Variants in FBXL2 observed in about 807,000 individuals in gnomAD.
FBXL2 encodes F-box/LRR-repeat protein 2.
A neutral mutation model predicts 69.2 loss-of-function variants in FBXL2; 38 were observed. The observed-to-expected ratio is 0.55, with a 90% CI of 0.42 to 0.72. The LOEUF (loss-of-function observed/expected upper bound fraction) is 0.72. Among genes scored for constraint, FBXL2 ranks in the 30% least tolerant of loss-of-function variants. The pLI, the probability that FBXL2 is intolerant of heterozygous loss-of-function variation, is 0.00. For missense variants in FBXL2, 354 were observed against 520.3 expected (o/e 0.68, Z 3.11); for synonymous variants, 192 against 201.3 (o/e 0.95, Z 0.39).
intron 2 of FBXL2, among the ~76,000 whole-genome samples, chr3:33,323,313 CT>C (rs1213898539): frequency 6.6e-6 from 1 of 152,034 alleles, no homozygotes; most frequent in Admixed American, 6.6e-5. Flanking sequence ...CCAAATCTTC[CT>C]TTTTTTATTA....
intron 12 of FBXL2, chr3:33,393,429 T>C: frequency 6.2e-7 from 1 of 1,609,774 alleles, no homozygotes; most frequent in African/African-American, 1.3e-5. Flanking sequence ...AGGCAATCAT[T>C]TCTTCCAAGT....
chr3:33,363,122 C>G (rs1342410162), intron 4 of FBXL2, among the ~76,000 whole-genome samples: 2 of 152,272 alleles, frequency 1.3e-5, no homozygotes, highest in South Asian at 2.1e-4. Context: ...CTCACTACAA[C>G]CTCTGCCTCC....
At chr3:33,335,113 T>TAAG (rs201956322) in intron 2 of FBXL2, among the ~76,000 whole-genome samples, 3,023 of 150,684 alleles carry the variant, frequency 0.02, 101 homozygotes, top group African/African-American at 0.069. Context: ...ATAATAATAA[T>TAAG]AATAATAAGA....
intron 5 of FBXL2, among the ~76,000 whole-genome samples, chr3:33,368,838 G>T (rs1038204821): frequency 6.6e-6 from 1 of 151,816 alleles, no homozygotes; most frequent in Non-Finnish European, 1.5e-5. Flanking sequence ...CGCCTTCCTT[G>T]GCCTCCCAAA....
At chr3:33,350,188 T>C (rs1176458026) in intron 2 of FBXL2, among the ~76,000 whole-genome samples, 2 of 152,186 alleles carry the variant, frequency 1.3e-5, no homozygotes, top group African/African-American at 2.4e-5. Context: ...AAAATAATTA[T>C]ATCCCACAAT....
chr3:33,278,144 G>T (rs1483015065), intron 1 of FBXL2: 1 of 152,006 alleles, frequency 6.6e-6, no homozygotes, highest in East Asian at 1.9e-4. Flanking sequence ...TTAGTGCATT[G>T]TAAACGTCTT....
intron 10 of FBXL2, among the ~76,000 whole-genome samples, chr3:33,376,963 G>A (rs2154050189): frequency 6.6e-6 from 1 of 152,310 alleles, no homozygotes; most frequent in South Asian, 2.1e-4. Flanking sequence ...ATGCTCCACT[G>A]CACTCCAGCC....
chr3:33,422,002 C>A, the FBXL2 span, among the ~76,000 whole-genome samples: 1 of 151,738 alleles, frequency 6.6e-6, no homozygotes, highest in Non-Finnish European at 1.5e-5. Context: ...AAGACTGCAT[C>A]GTTGCACTCC....
intron 12 of FBXL2, 84 bp downstream of exon 12, chr3:33,378,231 C>T (rs984312912): frequency 2.7e-5 from 36 of 1,334,046 alleles, no homozygotes; most frequent in Non-Finnish European, 3.4e-5. Context: ...GACACTGACT[C>T]GCTATCATCC....
chr3:33,298,337 G>A (rs558847793), intron 2 of FBXL2, among the ~76,000 whole-genome samples: 1 of 152,170 alleles, frequency 6.6e-6, no homozygotes, highest in South Asian at 2.1e-4. Flanking sequence ...TGGCCTGGAG[G>A]CACTTCAGTT....
At chr3:33,378,035 AG>A (rs755080700) in intron 11 of FBXL2, 67 bp from the exon 12 acceptor site, 2 of 1,468,628 alleles carry the variant, frequency 1.4e-6, no homozygotes, top group Non-Finnish European at 1.9e-6. Context: ...TCAGAGGGAT[AG>A]GGCAAGCCAC....
rs151153981 is a variant in FBXL2 at position 33,346,297 on chromosome 3, G to A, written c.66-12670G>A. On this transcript the variant is annotated intron_variant, in intron 2 of 14. Coordinates refer to ENST00000484457, the MANE Select transcript of FBXL2 (RefSeq NM_012157.5). Reference sequence around the variant, plus strand: ...ATTTTAGGAAATTAGAGGAAACAGGGCAATAGAAGTCTAAAGCAAGCTAAA... The same window carrying A: ...ATTTTAGGAAATTAGAGGAAACAGGACAATAGAAGTCTAAAGCAAGCTAAA... Among the ~76,000 whole-genome samples, 159 of 152,140 alleles carry A rather than the reference G, an allele frequency of 1.0e-3. 1 individual carries two copies. Among genetic ancestry groups the A allele is most frequent in the Admixed American group, 1.2e-3 (19 of 15,264 alleles).
chr3:33,418,531 T>C, the FBXL2 span, among the ~76,000 whole-genome samples: 1 of 151,908 alleles, frequency 6.6e-6, no homozygotes, highest in African/African-American at 2.4e-5. Flanking sequence ...AATGCTGGGA[T>C]TACAGGCGTG....
intron 2 of FBXL2, among the ~76,000 whole-genome samples, chr3:33,342,257 A>T (rs1410788457): frequency 6.6e-6 from 1 of 151,614 alleles, no homozygotes; most frequent in African/African-American, 2.4e-5. Flanking sequence ...CTCCCGCCTC[A>T]GCCTCCCAAA....
intron 2 of FBXL2, among the ~76,000 whole-genome samples, chr3:33,356,978 C>T (rs1426580924): frequency 3.3e-5 from 5 of 152,172 alleles, no homozygotes; most frequent in African/African-American, 1.2e-4. Flanking sequence ...GGCTTGTGCT[C>T]TTGAACCAGA....
At chr3:33,420,927 C>T in the FBXL2 span, among the ~76,000 whole-genome samples, 45 of 152,204 alleles carry the variant, frequency 3.0e-4, no homozygotes, top group Non-Finnish European at 5.7e-4. Context: ...TTCTTAGCAG[C>T]GTATTCTCCA....
At chr3:33,327,912 T>G (rs79424429) in intron 2 of FBXL2, among the ~76,000 whole-genome samples, 1 of 150,838 alleles carries the variant, frequency 6.6e-6, no homozygotes, top group East Asian at 1.9e-4. Context: ...TTAGTCTTGT[T>G]CACAAACAAC....
chr3:33,338,454 A>C (rs2125847501), intron 2 of FBXL2, among the ~76,000 whole-genome samples: 1 of 152,290 alleles, frequency 6.6e-6, no homozygotes, highest in South Asian at 2.1e-4. Flanking sequence ...TGAAAAAAAA[A>C]GTCTGAGTAG....
the FBXL2 span, chr3:33,409,111 C>A: frequency 1.1e-6 from 1 of 918,806 alleles, no homozygotes; most frequent in East Asian, 2.5e-5. Flanking sequence ...AGAAATTTCA[C>A]AGAGAATAAC....
Sources: allele counts gnomAD v4.1 joint callset (sites outside exome capture counted in the v4.1 genomes callset), GRCh38; gene constraint gnomAD v4.1.1; transcripts MANE v1.5; gene names NCBI Gene and HGNC (gene_info 2026-07-23, HGNC 2026-07-21).